PAQR8: variants seen among roughly 807,000 people sequenced by gnomAD.
The protein encoded by PAQR8 is progestin and adipoQ receptor family member 8.
Under a neutral mutation model 25.2 loss-of-function variants are expected in PAQR8, and 17 were observed. That is an observed-to-expected ratio of 0.67 (90% CI 0.46 to 1.01). The LOEUF is 1.01. Among genes scored for constraint, PAQR8 ranks in the 50% least tolerant of loss-of-function variants. PAQR8 has a pLI of 0.00. For missense variants in PAQR8, 392 were observed against 448.4 expected, an observed-to-expected ratio of 0.87 and a Z score of 1.14; for synonymous variants, 204 against 190.6, an observed-to-expected ratio of 1.07 and a Z score of -0.58.
rs1305000489 is a variant in PAQR8, at chr6:52,404,050, C to T, written c.837C>T (p.Gly279=). ...KYFPGSCDIV[G]HGHQIFHAFL... ...TCCCGGGTTCCTGTGACATCGTGGG[C>T]CATGGGCATCAGATCTTCCATGCAT... The change falls in exon 2 of 2, where the codon GGC becomes GGT. Residue 279 remains glycine, a synonymous_variant. Transcript: ENST00000442253. The T allele has an allele frequency of 7.4e-6, 12 of 1,614,116 alleles. No individual in the cohort carries two copies. Among genetic ancestry groups the T allele is most frequent in the Non-Finnish European group, 1.0e-5 (12 of 1,180,052 alleles).
At chr6:52,366,520 G>A (rs899975374) in intron 1 of PAQR8, among the ~76,000 whole-genome samples, 6 of 152,102 alleles carry the variant, frequency 3.9e-5, no homozygotes, top group African/African-American at 1.4e-4. Context: ...ATATTTTTGA[G>A]GTGGATTAAC....
intron 1 of PAQR8, among the ~76,000 whole-genome samples, chr6:52,376,535 A>T (rs1246989856): frequency 6.6e-6 from 1 of 152,216 alleles, no homozygotes; most frequent in Non-Finnish European, 1.5e-5. Flanking sequence ...TCAACTGAAT[A>T]TTGGATATGG....
chr6:52,401,536 G>A (rs17591255), intron 1 of PAQR8, among the ~76,000 whole-genome samples: 21,257 of 152,126 alleles, frequency 0.14, 1,573 homozygotes, highest in Middle Eastern at 0.24. Context: ...GAAATTCACC[G>A]AGTGCAGTTT....
At chr6:52,371,144 T>C (rs1763415300) in intron 1 of PAQR8, among the ~76,000 whole-genome samples, 1 of 151,934 alleles carries the variant, frequency 6.6e-6, no homozygotes, top group African/African-American at 2.4e-5. Flanking sequence ...TGAGGAAAAA[T>C]AAATCAGGAT....
rs1763901419 is a variant in PAQR8 at position 52,405,845 on chromosome 6, T to A, written c.*1567T>A. The stretch of plus-strand genomic sequence containing the variant: ...TCATGTAGAATTTTCTGTTCTGGGT[T>A]ATTGGGATAAGAAAAAATATATATT... On this transcript the variant is annotated 3_prime_UTR_variant, in exon 2 of 2. Coordinates refer to ENST00000442253, the MANE Select transcript of PAQR8 (RefSeq NM_133367.5). 1 of 167,060 alleles carries A rather than the reference T, an allele frequency of 6.0e-6. No homozygotes were observed. Among genetic ancestry groups the A allele is most frequent in the Non-Finnish European group, 1.5e-5 (1 of 68,118 alleles). The allele number at this position is 167,060 out of a possible 1,614,324, so 10.3% of individuals were successfully genotyped here.
intron 1 of PAQR8, among the ~76,000 whole-genome samples, chr6:52,388,786 TTAA>T (rs1763662488): frequency 6.6e-6 from 1 of 152,216 alleles, no homozygotes; most frequent in African/African-American, 2.4e-5. Context: ...GACAGAGGGC[TTAA>T]TAAGACATGA....
At chr6:52,378,594 C>T (rs1415370615) in intron 1 of PAQR8, among the ~76,000 whole-genome samples, 2 of 151,344 alleles carry the variant, frequency 1.3e-5, no homozygotes, top group Non-Finnish European at 2.9e-5. Flanking sequence ...AGTTCAAGAC[C>T]AGCCTGACCA....
chr6:52,389,296 AC>A (rs1372296972), intron 1 of PAQR8, among the ~76,000 whole-genome samples: 1 of 152,228 alleles, frequency 6.6e-6, no homozygotes, highest in African/African-American at 2.4e-5. Flanking sequence ...ATAGTCATTC[AC>A]TTTGTTTTTG....
At chr6:52,395,272 C>CA (rs34239055) in intron 1 of PAQR8, among the ~76,000 whole-genome samples, 3,334 of 93,180 alleles carry the variant, frequency 0.036, 147 homozygotes, top group East Asian at 0.18. Flanking sequence ...GACTTCGTCT[C>CA]AAAAAAAAAA....
At chr6:52,390,163 C>T (rs1247811015) in intron 1 of PAQR8, among the ~76,000 whole-genome samples, 2 of 152,210 alleles carry the variant, frequency 1.3e-5, no homozygotes, top group Non-Finnish European at 2.9e-5. Context: ...CTGACTTCTC[C>T]CACTCGACAG....
chr6:52,386,705 A>C (rs1763636772), intron 1 of PAQR8, among the ~76,000 whole-genome samples: 2 of 152,224 alleles, frequency 1.3e-5, no homozygotes, highest in Admixed American at 1.3e-4. Context: ...TTGAAAAACT[A>C]CCTGTTGGGT....
chr6:52,384,380 C>T (rs1216525341), intron 1 of PAQR8, among the ~76,000 whole-genome samples: 3 of 152,110 alleles, frequency 2.0e-5, no homozygotes, highest in Non-Finnish European at 4.4e-5. Context: ...GCAGGCAGAC[C>T]TAGCAAAGGT....
At chr6:52,379,715 C>A (rs1487058614) in intron 1 of PAQR8, among the ~76,000 whole-genome samples, 3 of 151,514 alleles carry the variant, frequency 2.0e-5, no homozygotes, top group African/African-American at 4.9e-5. Flanking sequence ...CGAGCTCCGC[C>A]TCCCGGGTTC....
chr6:52,365,120 A>G (rs1763336888), intron 1 of PAQR8, among the ~76,000 whole-genome samples: 1 of 151,938 alleles, frequency 6.6e-6, no homozygotes, highest in African/African-American at 2.4e-5. Context: ...AATACAAAAG[A>G]CTTGTTGTCT....
At position 52,369,629 on chromosome 6, in the gene PAQR8, A is replaced by G. The variant is rs571140246; in HGVS notation, c.-53+7380A>G. Among the ~76,000 whole-genome samples, 25 of 152,330 alleles carry G rather than the reference A, an allele frequency of 1.6e-4. No homozygotes were observed. In the South Asian group the frequency reaches 5.0e-3, roughly 30 times the overall value. ...ATACATACTCTGCTGAATAATGTCT[A>G]TGGATCATAATTTTGGGAGAAATGA... On this transcript the variant is annotated intron_variant, in intron 1 of 1. Transcript: ENST00000442253.
At chr6:52,363,985 A>T (rs545568062) in intron 1 of PAQR8, among the ~76,000 whole-genome samples, 1 of 151,412 alleles carries the variant, frequency 6.6e-6, no homozygotes, top group East Asian at 1.9e-4. Flanking sequence ...ATTGTTAATT[A>T]TGTATGGTAA....
intron 1 of PAQR8, among the ~76,000 whole-genome samples, chr6:52,378,493 T>C (rs373162476): frequency 4.8e-4 from 73 of 152,324 alleles, no homozygotes; most frequent in African/African-American, 1.6e-3. Flanking sequence ...TTATTCAACC[T>C]TAAAAAGGAA....
At chr6:52,393,362 G>A (rs553109313) in intron 1 of PAQR8, among the ~76,000 whole-genome samples, 27 of 133,774 alleles carry the variant, frequency 2.0e-4, no homozygotes, top group East Asian at 8.6e-4. Context: ...TTGAGACGGC[G>A]TCTTGCTCTG....
chr6:52,368,371 C>T (rs1763378578), intron 1 of PAQR8, among the ~76,000 whole-genome samples: 1 of 152,150 alleles, frequency 6.6e-6, no homozygotes, highest in Non-Finnish European at 1.5e-5. Context: ...AGCCCCACCC[C>T]AGACCATTGT....
Sources: allele counts gnomAD v4.1 joint callset (sites outside exome capture counted in the v4.1 genomes callset), GRCh38; gene constraint gnomAD v4.1.1; transcripts MANE v1.5; gene names NCBI Gene and HGNC (gene_info 2026-07-23, HGNC 2026-07-21).